Variants in CAST observed in about 807,000 individuals in gnomAD.
The protein encoded by CAST is MIR583 host.
A neutral mutation model predicts 119.6 loss-of-function variants in CAST; 76 were observed. That is an observed-to-expected ratio of 0.64 (90% CI 0.53 to 0.77). CAST has a LOEUF of 0.77. Ranked by LOEUF, CAST falls within the 30% of genes least tolerant of loss-of-function variation. The probability of loss-of-function intolerance (pLI) is 0.00; values close to 1 mark genes in which losing one functional copy is unlikely to be tolerated. For missense variants in CAST, 953 were observed against 946.5 expected, an observed-to-expected ratio of 1.01 and a Z score of -0.09; for synonymous variants, 319 against 331.6, an observed-to-expected ratio of 0.96 and a Z score of 0.41.
intron 1 of CAST, among the ~76,000 whole-genome samples, chr5:96,623,197 T>C (rs1304238806): frequency 6.6e-6 from 1 of 152,102 alleles, no homozygotes; most frequent in Admixed American, 6.6e-5. Context: ...GATACCCTTT[T>C]CTGTCCTCTG....
At chr5:95,971,025 T>C in the CAST span, among the ~76,000 whole-genome samples, 1 of 152,224 alleles carries the variant, frequency 6.6e-6, no homozygotes, top group Non-Finnish European at 1.5e-5. Context: ...CTATTATGAC[T>C]GTGACCCCTG....
intron 1 of CAST, among the ~76,000 whole-genome samples, chr5:96,563,892 C>T (rs1398316660): frequency 6.6e-6 from 1 of 152,134 alleles, no homozygotes; most frequent in Non-Finnish European, 1.5e-5. Flanking sequence ...TGTTTCCTTG[C>T]CTTTTGCTTA....
At chr5:96,375,659 A>G in the CAST span, among the ~76,000 whole-genome samples, 6 of 151,862 alleles carry the variant, frequency 4.0e-5, no homozygotes, top group Admixed American at 3.9e-4. Context: ...GTTAACATCT[A>G]CAATCAGCTG....
At position 96,757,768 on chromosome 5, in the gene CAST, G is replaced by A. The variant is rs27376; in HGVS notation, c.1833+114G>A. 3.5e-3 allele frequency: 2,340 copies of A among 677,358 alleles called. 43 individuals carry two copies. In the African/African-American group the frequency reaches 0.039, roughly 11 times the overall value. The allele number at this position is 677,358 out of a possible 1,614,324, so 42.0% of individuals were successfully genotyped here. On this transcript the variant is annotated intron_variant, in intron 24 of 31. Coordinates refer to ENST00000675179, the MANE Select transcript of CAST (RefSeq NM_001750.7). ...TACAGTGGTGCCATCTTCAGTCACC[G>A]CAACCTCCACCTTCCAGATTCAAGC...
At chr5:96,281,767 G>A in the CAST span, among the ~76,000 whole-genome samples, 1 of 152,208 alleles carries the variant, frequency 6.6e-6, no homozygotes, top group Non-Finnish European at 1.5e-5. Flanking sequence ...ACATGGCATT[G>A]ATGTGGCCAT....
At chr5:95,975,585 GA>G in the CAST span, among the ~76,000 whole-genome samples, 3 of 152,196 alleles carry the variant, frequency 2.0e-5, no homozygotes, top group African/African-American at 7.2e-5. Context: ...GAAATTCAAT[GA>G]TGGTTGAGCT....
chr5:96,704,347 A>G (rs1350909732), intron 3 of CAST, among the ~76,000 whole-genome samples: 2 of 152,240 alleles, frequency 1.3e-5, no homozygotes, highest in Non-Finnish European at 2.9e-5. Flanking sequence ...AGAATTGACT[A>G]AGTATAACAT....
At chr5:95,961,489 T>TCCGCCGGCC in the CAST span, 1 of 1,345,800 alleles carries the variant, frequency 7.4e-7, no homozygotes, top group South Asian at 1.9e-5. Context: ...CAGCCACGGC[T>TCCGCCGGCC]CCGCCGGCCC....
At chr5:96,397,583 CT>C in the CAST span, 1 of 983,980 alleles carries the variant, frequency 1.0e-6, no homozygotes, top group Non-Finnish European at 1.6e-6. Context: ...CTAATTTTCT[CT>C]TTTAGTATAA....
intron 1 of CAST, among the ~76,000 whole-genome samples, chr5:96,539,104 T>G (rs936597702): frequency 6.6e-6 from 1 of 152,210 alleles, no homozygotes; most frequent in Non-Finnish European, 1.5e-5. Flanking sequence ...AAAGTATGTA[T>G]GAAGACAATC....
chr5:96,711,676 G>A (rs1449467720), intron 3 of CAST, among the ~76,000 whole-genome samples: 2 of 152,144 alleles, frequency 1.3e-5, no homozygotes. Flanking sequence ...ATTCTTTTCA[G>A]CAGACTAGTC....
At chr5:96,756,385 A>AG (rs1766332834) in intron 22 of CAST, among the ~76,000 whole-genome samples, 1 of 152,230 alleles carries the variant, frequency 6.6e-6, no homozygotes, top group Admixed American at 6.5e-5. Context: ...AATGGTCAGA[A>AG]GGCAAAAGTC....
At chr5:96,662,145 GGGGCCGGGGCGGGTCACCGGGTGA>G (rs1232531920), upstream of CAST, 1 of 382,270 alleles carries the variant, frequency 2.6e-6, no homozygotes, top group East Asian at 4.5e-5. Context: ...GAGCAGTGCT[GGGGCCGGGGCGGGTCACCGGGTGA>G]GGACCGGGGC....
the CAST span, among the ~76,000 whole-genome samples, chr5:96,072,138 A>G: frequency 1.3e-5 from 2 of 152,198 alleles, no homozygotes; most frequent in African/African-American, 4.8e-5. Context: ...ACACTAAAAC[A>G]ATAGAAAAGG....
intron 3 of CAST, among the ~76,000 whole-genome samples, chr5:96,722,356 G>C (rs1216600470): frequency 6.6e-6 from 1 of 152,158 alleles, no homozygotes; most frequent in Non-Finnish European, 1.5e-5. Flanking sequence ...CAAGGTAGTT[G>C]TTAACTACTA....
At chr5:96,678,422 T>C (rs961723806) in intron 2 of CAST, among the ~76,000 whole-genome samples, 5 of 152,304 alleles carry the variant, frequency 3.3e-5, no homozygotes, top group African/African-American at 4.8e-5. Context: ...TTCTTCTCTT[T>C]TTATTATTCT....
At chr5:96,062,932 G>A in the CAST span, among the ~76,000 whole-genome samples, 12 of 152,120 alleles carry the variant, frequency 7.9e-5, no homozygotes, top group African/African-American at 2.7e-4. Flanking sequence ...GGCTCAAGAA[G>A]AGGGTCGAGA....
At chr5:96,632,349 T>C (rs538690667) in intron 1 of CAST, among the ~76,000 whole-genome samples, 24 of 150,920 alleles carry the variant, frequency 1.6e-4, no homozygotes, top group Non-Finnish European at 3.2e-4. Flanking sequence ...AATTTTTTAA[T>C]TTTGATGAAG....
the CAST span, among the ~76,000 whole-genome samples, chr5:96,070,164 G>A: frequency 1.3e-5 from 2 of 152,216 alleles, no homozygotes; most frequent in South Asian, 2.1e-4. Context: ...TTCACTTAAA[G>A]TTTCATGATT....
Sources: gnomAD v4.1 joint callset for allele counts (sites outside exome capture counted in the v4.1 genomes callset) on GRCh38, gnomAD v4.1.1 for gene constraint, MANE v1.5 for transcripts, NCBI Gene and HGNC (gene_info 2026-07-23, HGNC 2026-07-21) for gene names.